Variants in RYR1 observed in about 807,000 individuals in gnomAD.
RYR1 encodes central core disease of muscle.
Under a neutral mutation model 583.5 loss-of-function variants are expected in RYR1, and 342 were observed. The observed-to-expected ratio is 0.59, with a 90% CI of 0.54 to 0.64. The LOEUF (loss-of-function observed/expected upper bound fraction) is 0.64, where lower values mean the gene tolerates loss of function less well. Ranked by LOEUF, RYR1 falls within the 30% of genes least tolerant of loss-of-function variation. The pLI is 0.00. For missense variants in RYR1, 6,032 were observed against 6,917.2 expected (o/e 0.87, Z 4.54); for synonymous variants, 2,791 against 2,822.5 (o/e 0.99, Z 0.35).
chr19:38,454,082 G>C (rs1203883522), intron 13 of RYR1, among the ~76,000 whole-genome samples: 1 of 152,146 alleles, frequency 6.6e-6, no homozygotes, highest in Non-Finnish European at 1.5e-5. Flanking sequence ...TGTCACCCAG[G>C]CTGGAGTGCA....
In RYR1 at chr19:38,587,358, T is replaced by C; in HGVS notation, c.15055T>C (p.Cys5019Arg). Residue 5019 changes from cysteine to arginine, a missense_variant, in exon 106 of 106, where the codon TGT (cysteine) becomes CGT (arginine). Transcript: ENST00000359596. ...TGTCTGGAAGATGTACCAAGAGAGA[T>C]GTTGGGATTTCTTCCCAGCTGGTGA... ...SYVWKMYQER[C>R]WDFFPAGDCF... 1 of 1,613,996 alleles carries C rather than the reference T, an allele frequency of 6.2e-7. No individual in the cohort carries two copies. The highest frequency in any genetic ancestry group is 1.1e-5 in the South Asian group (1 of 91,082).
At chr19:38,471,462 C>T (rs535596747) in intron 27 of RYR1, among the ~76,000 whole-genome samples, 25 of 152,082 alleles carry the variant, frequency 1.6e-4, no homozygotes, top group Non-Finnish European at 2.8e-4. Flanking sequence ...CCCAGGATTT[C>T]GGGGCTGCAG....
At chr19:38,579,854 T>G in intron 99 of RYR1, 128 bp from the exon 100 acceptor site, 1 of 1,177,322 alleles carries the variant, frequency 8.5e-7, no homozygotes, top group Non-Finnish European at 1.3e-6. Context: ...TGATCCTCCA[T>G]GTACTCCCCA....
At chr19:38,540,370 A>G (rs2960313) in intron 84 of RYR1, among the ~76,000 whole-genome samples, 13 of 144,878 alleles carry the variant, frequency 9.0e-5, no homozygotes, top group South Asian at 4.5e-4. Flanking sequence ...ATACTACAGT[A>G]TAATAAACCT....
chr19:38,550,333 T>C (rs1233139470), intron 89 of RYR1, among the ~76,000 whole-genome samples: 1 of 152,134 alleles, frequency 6.6e-6, no homozygotes, highest in Non-Finnish European at 1.5e-5. Flanking sequence ...TTTCCTGACA[T>C]GTTTGAAGAA....
intron 5 of RYR1, 144 bp downstream of exon 5, chr19:38,443,940 G>T (rs1972816827): frequency 1.2e-6 from 1 of 852,636 alleles, no homozygotes; most frequent in South Asian, 1.4e-5. Flanking sequence ...CTGCGGTACA[G>T]TCCAGACAGG....
At chr19:38,522,923 C>T in intron 67 of RYR1, 105 bp from the exon 68 acceptor site, 3 of 923,146 alleles carry the variant, frequency 3.2e-6, no homozygotes, top group Non-Finnish European at 5.1e-6. Flanking sequence ...ATCCCTCTGA[C>T]TGGATGTCTC....
intron 89 of RYR1, among the ~76,000 whole-genome samples, chr19:38,559,001 A>G (rs954306273): frequency 6.6e-6 from 1 of 152,016 alleles, no homozygotes; most frequent in African/African-American, 2.4e-5. Context: ...AGACAGGAGA[A>G]TCACTTGAAC....
rs1969098895 is a variant in RYR1 at position 38,483,164 on chromosome 19, T to C, written c.4707+51T>C. 5 of 1,601,598 alleles carry C rather than the reference T, an allele frequency of 3.1e-6. No homozygotes were observed. Among genetic ancestry groups the C allele is most frequent in the Middle Eastern group, 3.3e-4 (2 of 6,062 alleles). The stretch of plus-strand genomic sequence containing the variant: ...AATGGGGCCAGGCTGAGGCAGGAGA[T>C]GTGGGGAGGCCAGGCGGGCAGAGCC... On this transcript the variant is annotated intron_variant, in intron 32 of 105. Coordinates refer to ENST00000359596, the MANE Select transcript of RYR1 (RefSeq NM_000540.3). This position sits in a 1 kb window ranked among gnomAD's most constrained non-coding sequence, Gnocchi z 6.3.
At chr19:38,477,418 C>T (rs368384775) in intron 29 of RYR1, among the ~76,000 whole-genome samples, 2 of 152,190 alleles carry the variant, frequency 1.3e-5, no homozygotes, top group Non-Finnish European at 2.9e-5. Context: ...GCTGGGATTA[C>T]AGGCGTGAGC....
At chr19:38,536,892 G>T in intron 83 of RYR1, 125 bp downstream of exon 83, 3 of 1,018,756 alleles carry the variant, frequency 2.9e-6, no homozygotes, top group Non-Finnish European at 4.6e-6. Flanking sequence ...TTCAGCAGGT[G>T]CACCCTGCCA....
In RYR1 at chr19:38,570,598, C is replaced by G. The variant is rs181794681; in HGVS notation, c.13660-9C>G. The G allele has an allele frequency of 1.9e-6, 3 of 1,611,122 alleles. No individual in the cohort carries two copies. The African/African-American group carries it at 4.0e-5, about 21-fold the overall frequency. ...TGAGCGCTTTCTCTCTTTTTCTCTT[C>G]TCTCTCAGAACTACCTGTCCCGGAA... On this transcript the variant is annotated splice_polypyrimidine_tract_variant and intron_variant, in intron 93 of 105. Transcript: ENST00000359596.
In RYR1 at chr19:38,510,767, G is replaced by A; in HGVS notation, c.9108G>A (p.Lys3036=). The change falls in exon 60 of 106, where the codon AAG becomes AAA. Residue 3036 remains lysine (K), a synonymous_variant. Transcript: ENST00000359596. The part of the protein sequence containing the change: ...GSGGHASNKE[K]EMITSLFCKL... Reference sequence around the variant, plus strand: ...GTGGCCACGCCTCTAACAAGGAGAAGGAAATGATCACCAGGTGGGCCGCCT... The same window carrying A: ...GTGGCCACGCCTCTAACAAGGAGAAAGAAATGATCACCAGGTGGGCCGCCT... 6.2e-7 allele frequency: 1 copy of A among 1,614,200 alleles called. No homozygotes were observed. The highest frequency in any genetic ancestry group is 2.2e-5 in the East Asian group (1 of 44,880).
intron 34 of RYR1, among the ~76,000 whole-genome samples, chr19:38,487,440 G>A (rs866442681): frequency 6.6e-6 from 1 of 150,976 alleles, no homozygotes; most frequent in Admixed American, 6.6e-5. Context: ...TGCAACCTCC[G>A]CTTCCCATGT....
At position 38,532,738 on chromosome 19, in the gene RYR1, T is replaced by C; in HGVS notation, c.11259+2T>C. On this transcript the variant is annotated splice_donor_variant, in intron 78 of 105. Transcript: ENST00000359596. LOFTEE classifies it high-confidence loss of function. ...GAGGAGGTTGAGGTCTCCTTTGAGG[T>C]AGGTGGGCTCAGGAGGTCCTGGAGG... is the stretch of plus-strand genomic sequence containing the variant. The C allele has an allele frequency of 6.2e-7, 1 of 1,613,618 alleles. No individual in the cohort carries two copies.
chr19:38,534,873 T>TC, intron 79 of RYR1, 54 bp downstream of exon 79: 2 of 1,547,042 alleles, frequency 1.3e-6, no homozygotes, highest in Non-Finnish European at 1.8e-6. Context: ...CTAACCTCAC[T>TC]CCTCCTGGCT....
intron 42 of RYR1, among the ~76,000 whole-genome samples, chr19:38,497,996 C>T (rs554261092): frequency 1.3e-5 from 2 of 152,138 alleles, no homozygotes; most frequent in South Asian, 4.1e-4. Context: ...CAGAGAAAGC[C>T]TCATTGAGAA....
rs757136269 is a variant in RYR1 at position 38,566,887 on chromosome 19, C to A, written c.13438-24C>A. The A allele has an allele frequency of 5.6e-6, 9 of 1,594,112 alleles. No individual in the cohort carries two copies. The Admixed American group carries it at 1.4e-4, about 25-fold the overall frequency. On this transcript the variant is annotated intron_variant, in intron 91 of 105. Transcript: ENST00000359596. ...AGAAGCGCTTAGGGTGAGGACTCAGCCCTGATGCTTGCCCTGTCCCTAGGT... is the reference window on the plus strand; with the variant it reads ...AGAAGCGCTTAGGGTGAGGACTCAGACCTGATGCTTGCCCTGTCCCTAGGT...
At chr19:38,504,648 C>A in intron 50 of RYR1, 100 bp from the exon 51 acceptor site, 1 of 1,503,240 alleles carries the variant, frequency 6.7e-7, no homozygotes, top group Non-Finnish European at 9.2e-7. Context: ...GTTTGGGGTT[C>A]AGGGAGGAGG....
Sources: gnomAD v4.1 joint callset for allele counts (sites outside exome capture counted in the v4.1 genomes callset) on GRCh38, gnomAD v4.1.1 for gene constraint, Gnocchi (gnomAD v3.1) non-coding constraint, MANE v1.5 for transcripts, NCBI Gene and HGNC (gene_info 2026-07-23, HGNC 2026-07-21) for gene names.